Variants in TMEM219 observed in about 807,000 individuals in gnomAD.
TMEM219 encodes the protein transmembrane protein 219, also known as insulin-like growth factor-binding protein 3 receptor.
TMEM219 carries 18 observed loss-of-function variants against 17.9 expected under a neutral mutation model. The ratio of observed to expected loss-of-function variants is 1.01; its 90% CI spans 0.70 to 1.49. The LOEUF is 1.49. Among genes scored for constraint, TMEM219 ranks in the 40% most tolerant of loss-of-function variants. The pLI is 0.00. For synonymous variants in TMEM219, 113 were observed against 124.0 expected, an observed-to-expected ratio of 0.91 and a Z score of 0.59; for missense variants, 288 against 292.4, an observed-to-expected ratio of 0.99 and a Z score of 0.11.
Position 29,963,202 on chromosome 16 carries a change from T to TG in TMEM219, c.61dup (p.Val21GlyfsTer32). 6.2e-7 allele frequency: 1 copy of TG among 1,613,888 alleles called. No homozygotes were observed. Among genetic ancestry groups the TG allele is most frequent in the Non-Finnish European group, 8.5e-7 (1 of 1,180,040 alleles). ...CTGTGTCTGGCCCACCACCCACCTC[T>TG]GGTCTGTGCCACTTTGATCCTGCTG... On this transcript the variant is annotated frameshift_variant, in exon 2 of 6. Transcript: ENST00000279396. LOFTEE classifies it high-confidence loss of function.
intron 5 of TMEM219, 153 bp downstream of exon 5, chr16:29,971,731 G>A: frequency 1.7e-6 from 1 of 601,440 alleles, no homozygotes; most frequent in Non-Finnish European, 2.7e-6. Context: ...CTTAGGGACT[G>A]GGAACAATTT....
Position 29,968,124 on chromosome 16 carries a change from C to T in TMEM219, c.455C>T (p.Pro152Leu), listed in dbSNP as rs770111746. 1 of 1,613,992 alleles carries T rather than the reference C, an allele frequency of 6.2e-7. No homozygotes were observed. Among genetic ancestry groups the T allele is most frequent in the Non-Finnish European group, 8.5e-7 (1 of 1,180,040 alleles). ...LYFSAVPGIL[P>L]SSQPPISCSE... Reference sequence around the variant, plus strand: ...TTTAGTGCTGTTCCAGGAATCCTACCCTCCAGCCAGCCACCCATATCCTGC... The same window carrying T: ...TTTAGTGCTGTTCCAGGAATCCTACTCTCCAGCCAGCCACCCATATCCTGC... The change falls in exon 4 of 6, where the codon CCC becomes CTC. Residue 152 changes from proline (P) to leucine (L), a missense_variant. Coordinates refer to ENST00000279396, the MANE Select transcript of TMEM219 (RefSeq NM_001083613.2).
At chr16:29,964,666 C>T (rs1295194466) in intron 3 of TMEM219, among the ~76,000 whole-genome samples, 1 of 151,682 alleles carries the variant, frequency 6.6e-6, no homozygotes, top group Non-Finnish European at 1.5e-5. Context: ...CGCCCCGCGC[C>T]CCCCCCACCA....
In TMEM219 at chr16:29,968,112, C is replaced by T. The variant is rs1225199358; in HGVS notation, c.443C>T (p.Pro148Leu). The change falls in exon 4 of 6, where the codon CCA becomes CTA. Residue 148 changes from proline to leucine, a missense_variant. Transcript: ENST00000279396. ...ACCTGCCTATATTTTAGTGCTGTTCCAGGAATCCTACCCTCCAGCCAGCCA... is the reference window on the plus strand; with the variant it reads ...ACCTGCCTATATTTTAGTGCTGTTCTAGGAATCCTACCCTCCAGCCAGCCA... ...AGTCLYFSAV[P>L]GILPSSQPPI... The T allele has an allele frequency of 6.2e-7, 1 of 1,613,964 alleles. No individual in the cohort carries two copies. Among genetic ancestry groups the T allele is most frequent in the Non-Finnish European group, 8.5e-7 (1 of 1,180,022 alleles).
chr16:29,968,524 A>G (rs530533604), intron 4 of TMEM219: 3 of 368,188 alleles, frequency 8.1e-6, no homozygotes, highest in Non-Finnish European at 1.5e-5. Context: ...TGCCTGGGAC[A>G]TAGAGATTTG....
In TMEM219 at chr16:29,962,706, A is replaced by G. The variant is rs143146104; in HGVS notation, c.-37-401A>G. On this transcript the variant is annotated intron_variant, in intron 1 of 5. Coordinates refer to ENST00000279396, the MANE Select transcript of TMEM219 (RefSeq NM_001083613.2). ...ATTCTTAAGCTCACAGAGTCAGTGAATAACAGAAAGGGATTCAGATCTAGC... is the reference window on the plus strand; with the variant it reads ...ATTCTTAAGCTCACAGAGTCAGTGAGTAACAGAAAGGGATTCAGATCTAGC... 275 of 169,532 alleles carry G rather than the reference A, an allele frequency of 1.6e-3. 1 individual carries two copies. Among genetic ancestry groups the G allele is most frequent in the African/African-American group, 6.3e-3 (266 of 42,170 alleles). 10.5% of individuals were successfully genotyped at this position (169,532 alleles called of 1,614,324 possible).
intron 3 of TMEM219, among the ~76,000 whole-genome samples, chr16:29,965,770 C>T (rs1348135066): frequency 1.3e-5 from 2 of 152,114 alleles, no homozygotes; most frequent in African/African-American, 2.4e-5. Flanking sequence ...AGGAGTCTTG[C>T]TCTGTCACCC....
chr16:29,963,135 C>T lies in TMEM219; in HGVS notation c.-9C>T. On this transcript the variant is annotated 5_prime_UTR_variant, in exon 2 of 6. Transcript: ENST00000279396. Reference sequence around the variant, plus strand: ...GCTCTCCCCGGAGGCTCAGCCCCCTCTGCTCCCCATGGGCAACTGCCAGGC... The same window carrying T: ...GCTCTCCCCGGAGGCTCAGCCCCCTTTGCTCCCCATGGGCAACTGCCAGGC... The T allele has an allele frequency of 6.2e-7, 1 of 1,610,440 alleles. No homozygotes were observed. The highest frequency in any genetic ancestry group is 8.5e-7 in the Non-Finnish European group (1 of 1,179,936).
At chr16:29,972,791 A>G (rs1357025077) in intron 5 of TMEM219, among the ~76,000 whole-genome samples, 159 bp from the exon 6 acceptor site, 1 of 152,346 alleles carries the variant, frequency 6.6e-6, no homozygotes, top group East Asian at 1.9e-4. Flanking sequence ...GGCCCCTGAC[A>G]GACCCTGGGG....
chr16:29,963,058 T>C, intron 1 of TMEM219, 49 bp from the exon 2 acceptor site: 2 of 1,489,346 alleles, frequency 1.3e-6, no homozygotes, highest in Non-Finnish European at 1.8e-6. Context: ...TTCTTTTCTC[T>C]TTGCGTAAAA....
At chr16:29,968,484 A>G (rs548344968) in intron 4 of TMEM219, 1 of 492,038 alleles carries the variant, frequency 2.0e-6, no homozygotes, top group South Asian at 3.0e-5. Flanking sequence ...TAAGGATTAA[A>G]TGAGAATGAC....
At chr16:29,968,916 GC>G (rs2069247337) in intron 4 of TMEM219, among the ~76,000 whole-genome samples, 1 of 152,186 alleles carries the variant, frequency 6.6e-6, no homozygotes, top group Admixed American at 6.5e-5. Flanking sequence ...AAGTGGCAGA[GC>G]CAGGGTTGCA....
rs564847522 is a variant in TMEM219, at chr16:29,967,916, G to C, written c.356-109G>C. On this transcript the variant is annotated intron_variant, in intron 3 of 5. Coordinates refer to ENST00000279396, the MANE Select transcript of TMEM219 (RefSeq NM_001083613.2). ...CACTCCAGCCTGGGTGATAGAGCGA[G>C]ACTCCGCCTCAAAAAAAAAAAAAGA... 11 of 847,186 alleles carry C rather than the reference G, an allele frequency of 1.3e-5. 1 individual carries two copies. The highest frequency in any genetic ancestry group is 3.4e-5 in the South Asian group (2 of 59,094). 52.5% of individuals were successfully genotyped at this position (847,186 alleles called of 1,614,324 possible). A position where few individuals can be genotyped will look rare whatever the true frequency, so the allele number is the denominator to read the frequency against.
chr16:29,970,485 C>T (rs1017732194), intron 4 of TMEM219, among the ~76,000 whole-genome samples: 12 of 151,860 alleles, frequency 7.9e-5, no homozygotes, highest in South Asian at 2.1e-4. Context: ...CCACCATGCC[C>T]GGCTAAGTTT....
chr16:29,967,817 C>T (rs986105352), intron 3 of TMEM219, among the ~76,000 whole-genome samples: 2 of 151,928 alleles, frequency 1.3e-5, no homozygotes, highest in African/African-American at 2.4e-5. Flanking sequence ...GTCCCAGCTA[C>T]TCGGGAGACT....
intron 3 of TMEM219, among the ~76,000 whole-genome samples, chr16:29,964,563 A>G (rs1359819167): frequency 6.6e-6 from 1 of 152,164 alleles, no homozygotes; most frequent in East Asian, 1.9e-4. Flanking sequence ...TGGGAGGCTG[A>G]GGCAGGAGAA....
At chr16:29,970,064 T>G (rs979583097) in intron 4 of TMEM219, among the ~76,000 whole-genome samples, 1 of 151,932 alleles carries the variant, frequency 6.6e-6, no homozygotes, top group Non-Finnish European at 1.5e-5. Flanking sequence ...TGAAACCCCA[T>G]CTCTACTAAA....
At chr16:29,966,678 T>G (rs1490912061) in intron 3 of TMEM219, among the ~76,000 whole-genome samples, 1 of 152,034 alleles carries the variant, frequency 6.6e-6, no homozygotes, top group Non-Finnish European at 1.5e-5. Context: ...TAGCCAGGCA[T>G]GGTCGTGGGC....
chr16:29,966,088 T>C (rs982205770), intron 3 of TMEM219, among the ~76,000 whole-genome samples: 1 of 152,042 alleles, frequency 6.6e-6, no homozygotes, highest in Non-Finnish European at 1.5e-5. Flanking sequence ...CAGGCTAGTT[T>C]CAAACTACTG....
Sources: gnomAD v4.1 joint callset for allele counts (sites outside exome capture counted in the v4.1 genomes callset) on GRCh38, gnomAD v4.1.1 for gene constraint, MANE v1.5 for transcripts, NCBI Gene and HGNC (gene_info 2026-07-23, HGNC 2026-07-21) for gene names.